Variants in LAMA3 observed in about 807,000 individuals in gnomAD.
LAMA3 encodes laminin subunit alpha 3, also known as laminin subunit alpha-3.
In LAMA3, 281 loss-of-function variants were observed where a neutral mutation model predicts 402.0. The ratio of observed to expected loss-of-function variants is 0.70; its 90% CI spans 0.63 to 0.77. The LOEUF (loss-of-function observed/expected upper bound fraction) is 0.77. LAMA3 is among the 30% of genes least tolerant of loss of function. The pLI, the probability that LAMA3 is intolerant of heterozygous loss-of-function variation, is 0.00. For missense variants in LAMA3, 3,840 were observed against 4,215.5 expected, an observed-to-expected ratio of 0.91 and a Z score of 2.47; for synonymous variants, 1,431 against 1,558.4, an observed-to-expected ratio of 0.92 and a Z score of 1.93.
intron 6 of LAMA3, among the ~76,000 whole-genome samples, chr18:23,758,100 G>A (rs926148862): frequency 2.6e-5 from 4 of 152,168 alleles, no homozygotes; most frequent in African/African-American, 9.7e-5. Flanking sequence ...GACAGAGCTG[G>A]GGCCTCAGAG....
intron 12 of LAMA3, among the ~76,000 whole-genome samples, chr18:23,798,808 C>T (rs1284173661): frequency 5.3e-5 from 8 of 152,276 alleles, no homozygotes; most frequent in South Asian, 2.1e-4. Flanking sequence ...AGGTGCCAAT[C>T]GGCCTTTCTA....
At chr18:23,716,364 G>A (rs897462269) in intron 2 of LAMA3, among the ~76,000 whole-genome samples, 4 of 152,012 alleles carry the variant, frequency 2.6e-5, no homozygotes, top group Non-Finnish European at 5.9e-5. Flanking sequence ...TCACCATGTT[G>A]CCCAGGCTGG....
At position 23,916,600 on chromosome 18, in the gene LAMA3, C is replaced by T. The variant is rs768415785; in HGVS notation, c.7828C>T (p.Arg2610Ter). ...KNYFEGTGYA[R>*]VPTQPHAPIP... is the part of the protein sequence containing the mutation. ...TTATTTTGAAGGTACGGGCTATGCT[C>T]GAGTTCCAACTCAACCACATGCTCC... is the stretch of plus-strand genomic sequence containing the variant. Residue 2610 changes from arginine to a stop codon, truncating the protein, a stop_gained, in exon 60 of 75, where the codon CGA (arginine) becomes TGA (stop). Coordinates refer to ENST00000313654, the MANE Select transcript of LAMA3 (RefSeq NM_198129.4). LOFTEE classifies it high-confidence loss of function. The T allele has an allele frequency of 8.7e-6, 14 of 1,614,004 alleles. No individual in the cohort carries two copies. Among genetic ancestry groups the T allele is most frequent in the South Asian group, 1.1e-5 (1 of 91,082 alleles).
chr18:23,692,677 C>G (rs755055289), intron 1 of LAMA3, among the ~76,000 whole-genome samples: 3 of 152,176 alleles, frequency 2.0e-5, no homozygotes, highest in South Asian at 2.1e-4. Context: ...TTATTTCTGT[C>G]ATTCTGATGC....
intron 1 of LAMA3, among the ~76,000 whole-genome samples, chr18:23,707,800 G>A (rs562557818): frequency 8.0e-5 from 12 of 150,536 alleles, no homozygotes; most frequent in African/African-American, 2.0e-4. Context: ...AGGATGGAGC[G>A]CAGTGGTGCA....
At chr18:23,864,329 C>T (rs1474608994) in intron 35 of LAMA3, among the ~76,000 whole-genome samples, 3 of 151,662 alleles carry the variant, frequency 2.0e-5, no homozygotes, top group Admixed American at 6.6e-5. Context: ...TGGGCTCAAG[C>T]GATCTTTCCA....
chr18:23,749,331 C>G (rs1403672693), intron 3 of LAMA3, 97 bp from the exon 4 acceptor site: 1 of 700,626 alleles, frequency 1.4e-6, no homozygotes, highest in Non-Finnish European at 2.4e-6. Flanking sequence ...TTTTTTCTTT[C>G]TTTGTGTATT....
intron 73 of LAMA3, 43 bp downstream of exon 73, chr18:23,951,820 C>A: frequency 1.4e-6 from 2 of 1,455,646 alleles, no homozygotes; most frequent in Non-Finnish European, 1.9e-6. Context: ...TAAAACAGGC[C>A]CCCTTTCCAT....
chr18:23,693,240 A>T (rs1221531363), intron 1 of LAMA3, among the ~76,000 whole-genome samples: 1 of 152,158 alleles, frequency 6.6e-6, no homozygotes, highest in Non-Finnish European at 1.5e-5. Context: ...GCTACTCGGG[A>T]GGCTGAGGCA....
chr18:23,799,125 G>A (rs953139131), intron 12 of LAMA3, among the ~76,000 whole-genome samples: 1 of 152,216 alleles, frequency 6.6e-6, no homozygotes, highest in East Asian at 1.9e-4. Context: ...AGGTATTCAA[G>A]AGCATGACAG....
rs764313278 is a variant in LAMA3, at chr18:23,836,953, G to T, written c.2985-28G>T. 3 of 1,551,084 alleles carry T rather than the reference G, an allele frequency of 1.9e-6. No homozygotes were observed. The South Asian group carries it at 3.3e-5, about 17-fold the overall frequency. On this transcript the variant is annotated intron_variant, in intron 24 of 74. Coordinates refer to ENST00000313654, the MANE Select transcript of LAMA3 (RefSeq NM_198129.4). Reference sequence around the variant, plus strand: ...GAATGAGGGAGATGCCGGGAGTCAGGCTAAGAAAACTCTGTTTTCTCTTGC... The same window carrying T: ...GAATGAGGGAGATGCCGGGAGTCAGTCTAAGAAAACTCTGTTTTCTCTTGC...
chr18:23,874,652 GA>G (rs1221123774), intron 38 of LAMA3, among the ~76,000 whole-genome samples: 7 of 152,306 alleles, frequency 4.6e-5, no homozygotes, highest in African/African-American at 1.7e-4. Context: ...ACTTCCACTG[GA>G]CCAGGTAGAG....
chr18:23,814,494 G>A lies in LAMA3; in HGVS notation c.1880G>A (p.Gly627Glu). 1 of 1,607,636 alleles carries A rather than the reference G, an allele frequency of 6.2e-7. No homozygotes were observed. Among genetic ancestry groups the A allele is most frequent in the Non-Finnish European group, 8.5e-7 (1 of 1,174,194 alleles). Residue 627 changes from glycine (G) to glutamate (E), a missense_variant, in exon 15 of 75, where the codon GGA (glycine) becomes GAA (glutamate). Gly to Glu is a moderately conservative substitution (Grantham distance 98). Around this residue, in one of 3 missense-constraint regions of LAMA3, gnomAD observed 2,109 missense variants for 2,376.0 expected, o/e 0.89. Transcript: ENST00000313654. Reference protein sequence around the residue: ...YWNLDKENPSGCSECKCHKAG... With the variant: ...YWNLDKENPSECSECKCHKAG... Reference sequence around the variant, plus strand: ...AATCTGGACAAAGAAAACCCCAGTGGATGTTCAGGTAGGTTTCTTATATGT... The same window carrying A: ...AATCTGGACAAAGAAAACCCCAGTGAATGTTCAGGTAGGTTTCTTATATGT...
chr18:23,950,685 T>A (rs1257175607), intron 72 of LAMA3, among the ~76,000 whole-genome samples: 2 of 152,230 alleles, frequency 1.3e-5, no homozygotes. Context: ...GAGTGAAAGA[T>A]TGATATAATA....
intron 6 of LAMA3, among the ~76,000 whole-genome samples, chr18:23,755,465 G>A (rs2061826722): frequency 1.3e-5 from 2 of 152,216 alleles, no homozygotes; most frequent in Non-Finnish European, 2.9e-5. Context: ...TTGAACAAAT[G>A]CTGATGAAAT....
intron 23 of LAMA3, among the ~76,000 whole-genome samples, chr18:23,829,539 T>C (rs574136718): frequency 3.9e-5 from 6 of 152,344 alleles, no homozygotes; most frequent in East Asian, 3.9e-4. Flanking sequence ...GATTCAGACA[T>C]TGACCCCATG....
Position 23,926,734 on chromosome 18 carries a change from A to G in LAMA3, c.8178-1389A>G, listed in dbSNP as rs1029024866. Among the ~76,000 whole-genome samples the G allele has an allele frequency of 2.0e-5, 3 of 152,224 alleles. No individual in the cohort carries two copies. The South Asian group carries it at 6.2e-4, about 32-fold the overall frequency. On this transcript the variant is annotated intron_variant, in intron 62 of 74. Coordinates refer to ENST00000313654, the MANE Select transcript of LAMA3 (RefSeq NM_198129.4). ...GGACTTCAGTTAGTTCATGTGTGTG[A>G]ATGCTTTATGTGCATTCAGCTCCAG...
chr18:23,877,045 A>AAC (rs2064744936), intron 39 of LAMA3, among the ~76,000 whole-genome samples: 7 of 152,032 alleles, frequency 4.6e-5, no homozygotes, highest in Non-Finnish European at 4.4e-5. Flanking sequence ...CCCACACCAT[A>AAC]AACAACAACA....
At chr18:23,816,322 C>T in intron 17 of LAMA3, 66 bp from the exon 18 acceptor site, 15 of 1,244,748 alleles carry the variant, frequency 1.2e-5, no homozygotes, top group Non-Finnish European at 1.8e-5. Context: ...CTTTCTTGTA[C>T]AGCAGGGGAG....
Sources: allele counts gnomAD v4.1 joint callset (sites outside exome capture counted in the v4.1 genomes callset), GRCh38; gene constraint gnomAD v4.1.1; regional missense constraint gnomAD v4.1.1; transcripts MANE v1.5; gene names NCBI Gene and HGNC (gene_info 2026-07-23, HGNC 2026-07-21).